The following PDSS2 variants were observed in gnomAD, a reference collection of about 807,000 sequenced individuals.
PDSS2 encodes the protein decaprenyl diphosphate synthase subunit 2, also known as all trans-polyprenyl-diphosphate synthase PDSS2.
Under a neutral mutation model 44.5 loss-of-function variants are expected in PDSS2, and 31 were observed. The observed-to-expected ratio is 0.70, with a 90% CI of 0.52 to 0.94. PDSS2 has a LOEUF of 0.94. Ranked by LOEUF, PDSS2 falls within the 40% of genes least tolerant of loss-of-function variation. The probability of loss-of-function intolerance (pLI) is 0.00; values close to 1 mark genes in which losing one functional copy is unlikely to be tolerated. For synonymous variants in PDSS2, 157 were observed against 180.3 expected (o/e 0.87, Z 1.03); for missense variants, 452 against 482.2 (o/e 0.94, Z 0.59).
At chr6:107,354,411 TTGC>T (rs1226878848) in intron 1 of PDSS2, among the ~76,000 whole-genome samples, 32 of 152,342 alleles carry the variant, frequency 2.1e-4, no homozygotes, top group Admixed American at 1.7e-3. Context: ...AAGGGCAAAA[TTGC>T]TGTTTAAAAA....
chr6:107,337,019 G>A (rs1436627629), intron 1 of PDSS2, among the ~76,000 whole-genome samples: 6 of 129,080 alleles, frequency 4.6e-5, no homozygotes, highest in Non-Finnish European at 6.4e-5. Context: ...AAACTTCTCA[G>A]AAATAGGACC....
chr6:107,166,101 T>G (rs1771335881), intron 7 of PDSS2, among the ~76,000 whole-genome samples: 1 of 152,154 alleles, frequency 6.6e-6, no homozygotes. Flanking sequence ...TACAATCATG[T>G]CATCTGCAAA....
chr6:107,204,612 GC>G (rs1329436804), intron 6 of PDSS2, among the ~76,000 whole-genome samples: 1 of 152,028 alleles, frequency 6.6e-6, no homozygotes, highest in Middle Eastern at 3.2e-3. Context: ...TGCCTAGGAA[GC>G]CCCCATTCTC....
chr6:107,270,039 A>C (rs1775545522), intron 3 of PDSS2, among the ~76,000 whole-genome samples: 1 of 152,116 alleles, frequency 6.6e-6, no homozygotes, highest in African/African-American at 2.4e-5. Flanking sequence ...TGATTTATAA[A>C]GATTTCTAAA....
chr6:107,402,278 C>CAA (rs563962172), intron 1 of PDSS2, among the ~76,000 whole-genome samples: 1 of 120,654 alleles, frequency 8.3e-6, no homozygotes, highest in Non-Finnish European at 1.8e-5. Flanking sequence ...GACTCAGTCT[C>CAA]AAAAAAAAAA....
At chr6:107,441,838 C>T (rs1007621728) in intron 1 of PDSS2, among the ~76,000 whole-genome samples, 3 of 152,166 alleles carry the variant, frequency 2.0e-5, no homozygotes, top group African/African-American at 7.2e-5. Context: ...CCCCAGCTGA[C>T]CACAGGGGTG....
intron 2 of PDSS2, among the ~76,000 whole-genome samples, chr6:107,296,533 C>T (rs1010719973): frequency 6.6e-6 from 1 of 152,108 alleles, no homozygotes; most frequent in African/African-American, 2.4e-5. Context: ...TGAGACCAGC[C>T]TGGCCAATAT....
At chr6:107,220,527 C>A (rs1032696745) in intron 4 of PDSS2, among the ~76,000 whole-genome samples, 1 of 151,838 alleles carries the variant, frequency 6.6e-6, no homozygotes, top group African/African-American at 2.4e-5. Context: ...TATATAGATA[C>A]AGATATCTAT....
At chr6:107,449,369 G>A (rs1446209556) in intron 1 of PDSS2, among the ~76,000 whole-genome samples, 1 of 152,142 alleles carries the variant, frequency 6.6e-6, no homozygotes, top group Non-Finnish European at 1.5e-5. Context: ...TGTATTCACA[G>A]TGTTGTATAA....
chr6:107,172,856 C>G (rs9373927), intron 7 of PDSS2, among the ~76,000 whole-genome samples: 103,331 of 150,498 alleles, frequency 0.69, 35,796 homozygotes, highest in Non-Finnish European at 0.72. Context: ...CTGGGCACGG[C>G]AGCTCACGCT....
intron 1 of PDSS2, among the ~76,000 whole-genome samples, chr6:107,454,107 G>A (rs1182248139): frequency 6.6e-6 from 1 of 150,978 alleles, no homozygotes; most frequent in Non-Finnish European, 1.5e-5. Flanking sequence ...GAGCACAGTG[G>A]CACGACCACA....
chr6:107,220,536 A>G (rs1318159419), intron 4 of PDSS2, among the ~76,000 whole-genome samples: 1 of 152,074 alleles, frequency 6.6e-6, no homozygotes, highest in Non-Finnish European at 1.5e-5. Context: ...ACAGATATCT[A>G]TATATAGAAT....
chr6:107,202,279 T>C (rs1772806436), intron 6 of PDSS2, among the ~76,000 whole-genome samples: 1 of 151,844 alleles, frequency 6.6e-6, no homozygotes, highest in African/African-American at 2.4e-5. Context: ...CCTCAAGCAA[T>C]CCTCCCGCCT....
intron 2 of PDSS2, among the ~76,000 whole-genome samples, chr6:107,318,246 GC>G (rs1011691975): frequency 8.6e-5 from 13 of 151,808 alleles, no homozygotes; most frequent in Non-Finnish European, 7.4e-5. Context: ...CTCCTTGACC[GC>G]CCCGCTTCTT....
At chr6:107,179,261 T>G (rs1771891857) in intron 7 of PDSS2, among the ~76,000 whole-genome samples, 1 of 152,124 alleles carries the variant, frequency 6.6e-6, no homozygotes. Context: ...TTGGTTTTAT[T>G]ATGATTTAGT....
intron 4 of PDSS2, among the ~76,000 whole-genome samples, chr6:107,242,534 A>G (rs1256305964): frequency 1.3e-5 from 2 of 151,880 alleles, no homozygotes; most frequent in Admixed American, 1.3e-4. Flanking sequence ...GTGAGCCACC[A>G]CGCCTGGCCA....
chr6:107,268,638 T>C (rs1775488467), intron 3 of PDSS2, among the ~76,000 whole-genome samples: 1 of 152,186 alleles, frequency 6.6e-6, no homozygotes, highest in South Asian at 2.1e-4. Context: ...GTCTCTAATA[T>C]TGTGTCACTG....
chr6:107,290,759 C>G (rs1362834587), intron 2 of PDSS2, among the ~76,000 whole-genome samples: 1 of 152,174 alleles, frequency 6.6e-6, no homozygotes, highest in Non-Finnish European at 1.5e-5. Context: ...CTTCCCTGGG[C>G]AAGCCATTTA....
rs1394392008 is a variant in PDSS2, at chr6:107,207,032, G to A, written c.1008+3407C>T. The stretch of plus-strand genomic sequence containing the variant: ...TTTTTAGACGGAGTCTTGTTCTATC[G>A]CCCAGGCTCGAGTGCAGTGGCGCGA... On this transcript the variant is annotated intron_variant, in intron 6 of 7. Coordinates refer to ENST00000369037, the MANE Select transcript of PDSS2 (RefSeq NM_020381.4). 7.4e-5 allele frequency among the ~76,000 whole-genome samples: 11 copies of A among 149,118 alleles called. No individual in the cohort carries two copies. The East Asian group carries it at 7.8e-4, about 11-fold the overall frequency.
Sources: allele counts gnomAD v4.1 joint callset (sites outside exome capture counted in the v4.1 genomes callset), GRCh38; gene constraint gnomAD v4.1.1; transcripts MANE v1.5; gene names NCBI Gene and HGNC (gene_info 2026-07-23, HGNC 2026-07-21).